Variants in DMRT1 observed in about 807,000 individuals in gnomAD.
DMRT1 encodes doublesex and mab-3 related transcription factor 1, also known as doublesex- and mab-3-related transcription factor 1.
In DMRT1, 7 loss-of-function variants were observed where a neutral mutation model predicts 32.3. The observed-to-expected ratio is 0.22, with a 90% CI of 0.12 to 0.41. The LOEUF (loss-of-function observed/expected upper bound fraction) is 0.41. DMRT1 is among the 10% of genes least tolerant of loss of function. The pLI is 1.00. For missense variants in DMRT1, 625 were observed against 500.5 expected (o/e 1.25, Z -2.37); for synonymous variants, 278 against 206.1 (o/e 1.35, Z -2.99).
chr9:959,968 T>A (rs1322476207), intron 4 of DMRT1, among the ~76,000 whole-genome samples: 1 of 152,242 alleles, frequency 6.6e-6, no homozygotes, highest in Non-Finnish European at 1.5e-5. Context: ...ACCCACTATG[T>A]GCTCTGCACT....
chr9:890,159 GCTCAGGCCGACTGAGCTGAGAT>G (rs1279478835), intron 2 of DMRT1, among the ~76,000 whole-genome samples: 2 of 142,410 alleles, frequency 1.4e-5, no homozygotes, highest in Admixed American at 7.5e-5. Context: ...CGTGATCTTG[GCTCAGGCCGACTGAGCTGAGAT>G]CTCAGGCCGC....
chr9:954,019 TTTGAG>T (rs1240423888), intron 4 of DMRT1, among the ~76,000 whole-genome samples: 2 of 152,060 alleles, frequency 1.3e-5, no homozygotes, highest in African/African-American at 4.8e-5. Context: ...GAGGTTGGCA[TTTGAG>T]TTGAGTGTTA....
intron 4 of DMRT1, among the ~76,000 whole-genome samples, chr9:940,911 G>A (rs1365050371): frequency 6.6e-6 from 1 of 152,180 alleles, no homozygotes; most frequent in Non-Finnish European, 1.5e-5. Flanking sequence ...AGAAGATATA[G>A]TAATGGCTAA....
rs936197869 is a variant in DMRT1, at chr9:862,150, C to A, written c.538+15007C>A. Among the ~76,000 whole-genome samples, 9 of 150,084 alleles carry A rather than the reference C, an allele frequency of 6.0e-5. 1 individual carries two copies. Among genetic ancestry groups the A allele is most frequent in the Non-Finnish European group, 1.3e-4 (9 of 67,218 alleles). On this transcript the variant is annotated intron_variant, in intron 2 of 4. Transcript: ENST00000382276. ...CAGCACTTTGGGAGGCCAAGGCAGG[C>A]GGCTGGGAGGTGGAGGTTGTAGCGA...
At chr9:885,369 A>G (rs1816886174) in intron 2 of DMRT1, among the ~76,000 whole-genome samples, 1 of 152,176 alleles carries the variant, frequency 6.6e-6, no homozygotes, top group Non-Finnish European at 1.5e-5. Flanking sequence ...TTGGAGAATG[A>G]GTGTAAGGTT....
At chr9:891,399 C>T (rs893555158) in intron 2 of DMRT1, among the ~76,000 whole-genome samples, 5 of 151,732 alleles carry the variant, frequency 3.3e-5, no homozygotes, top group South Asian at 2.1e-4. Context: ...TGCAGTGAGC[C>T]GAGATCGTAC....
rs995830126 is a variant in DMRT1 at position 963,365 on chromosome 9, C to T, written c.968-4620C>T. On this transcript the variant is annotated intron_variant, in intron 4 of 4. Transcript: ENST00000382276. ...CCTATGCTCCACTCTCTCATCACTA[C>T]TCTTTAATTGCACTCGGGGGAAAAA... Among the ~76,000 whole-genome samples the T allele has an allele frequency of 2.6e-5, 4 of 152,194 alleles. No individual in the cohort carries two copies. The East Asian group carries it at 7.7e-4, about 29-fold the overall frequency.
Position 855,328 on chromosome 9 carries a change from A to C in DMRT1, c.538+8185A>C, listed in dbSNP as rs186639978. Among the ~76,000 whole-genome samples the C allele has an allele frequency of 6.7e-4, 102 of 152,346 alleles. 1 individual carries two copies. The highest frequency in any genetic ancestry group is 1.2e-3 in the Non-Finnish European group (83 of 68,032). On this transcript the variant is annotated intron_variant, in intron 2 of 4. Transcript: ENST00000382276. ...GGGGTTAAAGTTACAAATAAATTTT[A>C]TAACAGCATATTAAAAAACAAAAAC...
At chr9:916,012 C>A (rs913368431) in intron 3 of DMRT1, among the ~76,000 whole-genome samples, 2 of 152,124 alleles carry the variant, frequency 1.3e-5, no homozygotes, top group Non-Finnish European at 2.9e-5. Flanking sequence ...GGATTACAGA[C>A]GTGAGCCACT....
At chr9:923,615 T>G (rs765715254) in intron 4 of DMRT1, among the ~76,000 whole-genome samples, 2 of 152,150 alleles carry the variant, frequency 1.3e-5, no homozygotes, top group African/African-American at 4.8e-5. Flanking sequence ...GCTCTTCTTG[T>G]AGGGGAGAAC....
At chr9:906,010 A>T (rs1031341420) in intron 3 of DMRT1, among the ~76,000 whole-genome samples, 1 of 129,398 alleles carries the variant, frequency 7.7e-6, no homozygotes, top group Non-Finnish European at 1.7e-5. Context: ...GTCTCTCAAG[A>T]TGCTTCTGTG....
rs1410381368 is a variant in DMRT1 at position 894,536 on chromosome 9, G to C, written c.822+341G>C. 12 of 363,910 alleles carry C rather than the reference G, an allele frequency of 3.3e-5. No individual in the cohort carries two copies. The East Asian group carries it at 8.2e-4, about 25-fold the overall frequency. 22.5% of individuals were successfully genotyped at this position (363,910 alleles called of 1,614,324 possible). ...TTGCATAAATAACCAGTTGGGCACA[G>C]GCAGATCACAAGTACTGAATGAGGT... On this transcript the variant is annotated intron_variant, in intron 3 of 4. Transcript: ENST00000382276.
intron 2 of DMRT1, among the ~76,000 whole-genome samples, chr9:882,325 G>A (rs1816764160): frequency 6.6e-6 from 1 of 152,186 alleles, no homozygotes; most frequent in South Asian, 2.1e-4. Context: ...TGGACCCTGT[G>A]CTCTACCTGC....
intron 2 of DMRT1, among the ~76,000 whole-genome samples, chr9:864,792 G>A (rs1009144401): frequency 2.6e-5 from 4 of 152,160 alleles, no homozygotes; most frequent in Admixed American, 1.3e-4. Context: ...GAGCCACCGT[G>A]CCCGCCAGCC....
chr9:958,413 C>G (rs1357088395), intron 4 of DMRT1, among the ~76,000 whole-genome samples: 1 of 152,194 alleles, frequency 6.6e-6, no homozygotes, highest in Admixed American at 6.5e-5. Context: ...GTCACTGAGG[C>G]TGGAGTGCAA....
At chr9:857,393 A>G (rs1050940556) in intron 2 of DMRT1, among the ~76,000 whole-genome samples, 1 of 152,184 alleles carries the variant, frequency 6.6e-6, no homozygotes, top group Non-Finnish European at 1.5e-5. Context: ...TACTTGTCAC[A>G]GAGTTTATAT....
chr9:915,974 CT>C (rs1478613201), intron 3 of DMRT1, among the ~76,000 whole-genome samples: 1 of 152,128 alleles, frequency 6.6e-6, no homozygotes, highest in Non-Finnish European at 1.5e-5. Context: ...ACCTTGTGAT[CT>C]GCCCATCTTG....
At chr9:871,910 A>G (rs1248873427) in intron 2 of DMRT1, among the ~76,000 whole-genome samples, 1 of 151,404 alleles carries the variant, frequency 6.6e-6, no homozygotes, top group Non-Finnish European at 1.5e-5. Context: ...GCCCTTTTCC[A>G]ACAACTACCA....
intron 2 of DMRT1, among the ~76,000 whole-genome samples, chr9:853,978 T>C (rs189725099): frequency 9.3e-4 from 141 of 151,970 alleles, no homozygotes; most frequent in African/African-American, 3.3e-3. Context: ...AAAATTTTTC[T>C]TTCTGTGGAG....
Sources: allele counts gnomAD v4.1 joint callset (sites outside exome capture counted in the v4.1 genomes callset), GRCh38; gene constraint gnomAD v4.1.1; transcripts MANE v1.5; gene names NCBI Gene and HGNC (gene_info 2026-07-23, HGNC 2026-07-21).